The following TAS2R1 variants were observed in gnomAD, a reference collection of about 807,000 sequenced individuals.
TAS2R1 encodes the protein taste receptor type 2 member 1.
For synonymous variants in TAS2R1, 141 were observed against 134.2 expected (o/e 1.05, Z -0.35); for missense variants, 370 against 353.4 (o/e 1.05, Z -0.38).
the TAS2R1 span, among the ~76,000 whole-genome samples, chr5:9,896,141 C>A: frequency 6.6e-6 from 1 of 152,244 alleles, no homozygotes; most frequent in South Asian, 2.1e-4. Context: ...CCCGCCTCCC[C>A]AGGCAACTTG....
chr5:9,719,913 C>T, the TAS2R1 span, among the ~76,000 whole-genome samples: 3 of 116,532 alleles, frequency 2.6e-5, no homozygotes, highest in South Asian at 2.8e-4. Context: ...GCGAAGATTC[C>T]GATTCAAAAA....
chr5:9,726,881 C>T, the TAS2R1 span, among the ~76,000 whole-genome samples: 4 of 152,184 alleles, frequency 2.6e-5, no homozygotes, highest in African/African-American at 9.7e-5. Flanking sequence ...TAATTAGCAC[C>T]ATGCATTCTC....
chr5:9,879,687 G>T, the TAS2R1 span, among the ~76,000 whole-genome samples: 3 of 152,278 alleles, frequency 2.0e-5, no homozygotes, highest in South Asian at 6.2e-4. Context: ...GACCCATAAA[G>T]ATGCCTGACC....
At chr5:9,850,420 G>A in the TAS2R1 span, among the ~76,000 whole-genome samples, 8 of 152,352 alleles carry the variant, frequency 5.3e-5, no homozygotes, top group South Asian at 1.7e-3. Context: ...GCTTGCTTTT[G>A]TGAGGTATTA....
At chr5:9,650,421 C>T (rs1740280839) in intron 2 of TAS2R1, among the ~76,000 whole-genome samples, 1 of 151,934 alleles carries the variant, frequency 6.6e-6, no homozygotes, top group African/African-American at 2.4e-5. Flanking sequence ...CTATGTAGGA[C>T]GGACAGACCC....
At chr5:9,691,032 G>A (rs1475369107) in intron 1 of TAS2R1, among the ~76,000 whole-genome samples, 1 of 152,198 alleles carries the variant, frequency 6.6e-6, no homozygotes, top group African/African-American at 2.4e-5. Context: ...TCATGGGTTG[G>A]ATGATGGTCC....
chr5:9,778,704 C>G, the TAS2R1 span, among the ~76,000 whole-genome samples: 2 of 152,232 alleles, frequency 1.3e-5, no homozygotes, highest in Non-Finnish European at 2.9e-5. Flanking sequence ...TCAACCTCTT[C>G]TAGCTTCCAA....
chr5:9,755,184 A>G, the TAS2R1 span, among the ~76,000 whole-genome samples: 2 of 152,208 alleles, frequency 1.3e-5, no homozygotes, highest in South Asian at 2.1e-4. Flanking sequence ...CTTTGTTACC[A>G]GAAAAGAGTC....
At chr5:9,805,584 T>A in the TAS2R1 span, among the ~76,000 whole-genome samples, 3 of 152,136 alleles carry the variant, frequency 2.0e-5, no homozygotes, top group South Asian at 6.2e-4. Flanking sequence ...AAGGTGGGGA[T>A]GGTATAACAT....
the TAS2R1 span, among the ~76,000 whole-genome samples, chr5:9,734,117 G>A: frequency 1.3e-4 from 20 of 152,128 alleles, no homozygotes; most frequent in African/African-American, 4.8e-4. Context: ...AGACATGTGA[G>A]AGAGCCTGTT....
the TAS2R1 span, among the ~76,000 whole-genome samples, chr5:9,858,954 G>A: frequency 6.6e-6 from 1 of 152,210 alleles, no homozygotes; most frequent in Non-Finnish European, 1.5e-5. Flanking sequence ...GCACAGTTGG[G>A]TATACAAAGT....
chr5:9,898,058 T>C, the TAS2R1 span, among the ~76,000 whole-genome samples: 1 of 152,208 alleles, frequency 6.6e-6, no homozygotes, highest in African/African-American at 2.4e-5. Context: ...TCCCAACGCA[T>C]CCTTGTGTTC....
At chr5:9,816,009 G>C in the TAS2R1 span, among the ~76,000 whole-genome samples, 1 of 152,072 alleles carries the variant, frequency 6.6e-6, no homozygotes, top group Non-Finnish European at 1.5e-5. Flanking sequence ...TGGACACATA[G>C]ACCCAACTTT....
chr5:9,641,024 T>C (rs774634341), intron 2 of TAS2R1, among the ~76,000 whole-genome samples: 4 of 152,018 alleles, frequency 2.6e-5, no homozygotes, highest in Non-Finnish European at 4.4e-5. Flanking sequence ...AGCAAGGTCC[T>C]GGCATTTCAG....
At chr5:9,701,607 G>T (rs771811690) in intron 1 of TAS2R1, among the ~76,000 whole-genome samples, 8 of 152,170 alleles carry the variant, frequency 5.3e-5, no homozygotes, top group Non-Finnish European at 1.2e-4. Flanking sequence ...CTAAATGCTA[G>T]AAATGATCAA....
the TAS2R1 span, among the ~76,000 whole-genome samples, chr5:9,900,185 C>A: frequency 6.6e-6 from 1 of 152,148 alleles, no homozygotes; most frequent in Non-Finnish European, 1.5e-5. Context: ...TCACAACTTA[C>A]CACCCATCAG....
upstream of TAS2R1, among the ~76,000 whole-genome samples, chr5:9,634,802 T>C (rs34520839): frequency 0.17 from 25,897 of 152,124 alleles, 2,652 homozygotes; most frequent in Non-Finnish European, 0.23. Flanking sequence ...CTTTGTATCC[T>C]GAAACTTTAC....
chr5:9,849,159 C>T, the TAS2R1 span, among the ~76,000 whole-genome samples: 1 of 152,192 alleles, frequency 6.6e-6, no homozygotes, highest in Non-Finnish European at 1.5e-5. Context: ...GGAGATGTTC[C>T]TGGGATCCGA....
chr5:9,779,475 C>T, the TAS2R1 span, among the ~76,000 whole-genome samples: 250 of 152,342 alleles, frequency 1.6e-3, 3 homozygotes, highest in East Asian at 0.03. Flanking sequence ...GATGTCAACT[C>T]TTCCTGTCAC....
Sources: allele counts gnomAD v4.1 joint callset (sites outside exome capture counted in the v4.1 genomes callset), GRCh38; gene constraint gnomAD v4.1.1; transcripts MANE v1.5; gene names NCBI Gene and HGNC (gene_info 2026-07-23, HGNC 2026-07-21).